The following RAP1GAP variants were observed in gnomAD, a reference collection of about 807,000 sequenced individuals.
The protein encoded by RAP1GAP is rap1 GTPase-activating protein 1.
In RAP1GAP, 35 loss-of-function variants were observed where a neutral mutation model predicts 87.2. The observed-to-expected ratio is 0.40, with a 90% CI of 0.31 to 0.53. The LOEUF (loss-of-function observed/expected upper bound fraction) is 0.53, where lower values mean the gene tolerates loss of function less well. Ranked by LOEUF, RAP1GAP falls within the 20% of genes least tolerant of loss-of-function variation. The pLI is 0.48. For synonymous variants in RAP1GAP, 375 were observed against 363.9 expected (o/e 1.03, Z -0.35); for missense variants, 734 against 898.9 (o/e 0.82, Z 2.35).
intron 18 of RAP1GAP, among the ~76,000 whole-genome samples, chr1:21,604,966 T>G (rs901808432): frequency 4.5e-5 from 2 of 43,976 alleles, no homozygotes; most frequent in Non-Finnish European, 8.6e-5. Flanking sequence ...AGTGGGTGGG[T>G]GGGTGGATGG....
At chr1:21,604,843 AGATGGATGGATGGATG>A (rs369644872) in intron 18 of RAP1GAP, among the ~76,000 whole-genome samples, 36 of 121,836 alleles carry the variant, frequency 3.0e-4, no homozygotes, top group South Asian at 5.8e-4. Flanking sequence ...GGATGGATAG[AGATGGATGGATGGATG>A]GATGGATGGA....
intron 2 of RAP1GAP, among the ~76,000 whole-genome samples, chr1:21,641,339 C>T (rs2095505862): frequency 1.3e-5 from 2 of 152,132 alleles, no homozygotes. Flanking sequence ...GGGAAGGAGT[C>T]CTATTCCTGC....
At chr1:21,630,672 C>T (rs535798949) in intron 2 of RAP1GAP, among the ~76,000 whole-genome samples, 43 of 152,214 alleles carry the variant, frequency 2.8e-4, no homozygotes, top group African/African-American at 9.9e-4. Context: ...TCCCCCTCGG[C>T]CTCCTAGTAG....
chr1:21,598,573 C>T (rs1646658774), intron 21 of RAP1GAP, 71 bp from the exon 22 acceptor site: 1 of 1,274,688 alleles, frequency 7.8e-7, no homozygotes, highest in Admixed American at 1.8e-5. Context: ...TCCCTCCCAG[C>T]CCCTCTCCCT....
rs1188170228 is a variant in RAP1GAP, at chr1:21,622,492, G to A, written c.-18-2442C>T. ...CCGGCTCCTGGCCCGCGCGCGCCCG[G>A]GTCCGGGCCCCGCAGCGCTGAGCTC... is the stretch of plus-strand genomic sequence containing the variant. On this transcript the variant is annotated intron_variant, in intron 3 of 24. Coordinates refer to ENST00000374765, the MANE Select transcript of RAP1GAP (RefSeq NM_002885.4). The surrounding 1 kb of genome is among the most constrained non-coding windows in gnomAD (Gnocchi z 5.7). The A allele has an allele frequency of 1.3e-5, 2 of 156,040 alleles. No individual in the cohort carries two copies. Among genetic ancestry groups the A allele is most frequent in the East Asian group, 1.9e-4 (1 of 5,334 alleles). 9.7% of individuals were successfully genotyped at this position (156,040 alleles called of 1,614,324 possible). A position where few individuals can be genotyped will look rare whatever the true frequency, so the allele number is the denominator to read the frequency against.
At chr1:21,627,661 C>T (rs574408847) in intron 2 of RAP1GAP, among the ~76,000 whole-genome samples, 12 of 152,084 alleles carry the variant, frequency 7.9e-5, no homozygotes, top group South Asian at 2.1e-4. Context: ...GTGATCTGCC[C>T]GCCTCAGCCT....
Position 21,597,824 on chromosome 1 carries a change from C to T in RAP1GAP, c.1984-96G>A, listed in dbSNP as rs549695598. On this transcript the variant is annotated intron_variant, in intron 23 of 24. Transcript: ENST00000374765. The stretch of plus-strand genomic sequence containing the variant: ...ACAAAGTCACTGGCTGTGTCCAGGC[C>T]GGGCAAGCCCCACCCCTCCTGGCCT... 4.1e-5 allele frequency: 64 copies of T among 1,542,846 alleles called. 2 individuals are homozygous for T. Among genetic ancestry groups the T allele is most frequent in the South Asian group, 2.3e-4 (20 of 85,124 alleles).
chr1:21,669,178 T>G lies in RAP1GAP; in HGVS notation c.-149+76A>C. 2 of 1,213,398 alleles carry G rather than the reference T, an allele frequency of 1.6e-6. No individual in the cohort carries two copies. The highest frequency in any genetic ancestry group is 2.1e-6 in the Non-Finnish European group (2 of 958,166). 75.2% of individuals were successfully genotyped at this position (1,213,398 alleles called of 1,614,324 possible). ...CCGCCCGCCCGCGCGGGGTCTTCGCTGCGAGCCGACGGGAGTCTGGACACC... is the reference window on the plus strand; with the variant it reads ...CCGCCCGCCCGCGCGGGGTCTTCGCGGCGAGCCGACGGGAGTCTGGACACC... On this transcript the variant is annotated intron_variant, in intron 1 of 24. Transcript: ENST00000374765. The surrounding 1 kb of genome is among the most constrained non-coding windows in gnomAD (Gnocchi z 5.6).
intron 1 of RAP1GAP, among the ~76,000 whole-genome samples, chr1:21,656,965 G>C (rs907846909): frequency 6.6e-6 from 1 of 152,160 alleles, no homozygotes; most frequent in African/African-American, 2.4e-5. Flanking sequence ...CTGTGTGGCT[G>C]ACACTGTATT....
At chr1:21,636,058 G>A (rs6679565) in intron 2 of RAP1GAP, among the ~76,000 whole-genome samples, 29,031 of 152,170 alleles carry the variant, frequency 0.19, 3,522 homozygotes, top group East Asian at 0.35. Context: ...CAAAATGGGA[G>A]AGTAACACCA....
At chr1:21,606,314 G>T in intron 17 of RAP1GAP, 117 bp from the exon 18 acceptor site, 1 of 1,394,382 alleles carries the variant, frequency 7.2e-7, no homozygotes, top group Non-Finnish European at 9.6e-7. Flanking sequence ...GGTAAGCCCT[G>T]GAAATCCCTT....
Position 21,668,302 on chromosome 1 carries a change from C to G in RAP1GAP, c.-149+952G>C, listed in dbSNP as rs2097443761. On this transcript the variant is annotated intron_variant, in intron 1 of 24. Transcript: ENST00000374765. This position sits in a 1 kb window ranked among gnomAD's most constrained non-coding sequence, Gnocchi z 6.2. Reference sequence around the variant, plus strand: ...TGCCCCTCCTGCCTCAGTGCCCCTTCCCTCAGTGTCCTTCCTGCCTGCCGC... The same window carrying G: ...TGCCCCTCCTGCCTCAGTGCCCCTTGCCTCAGTGTCCTTCCTGCCTGCCGC... 6.6e-6 allele frequency among the ~76,000 whole-genome samples: 1 copy of G among 152,182 alleles called. No homozygotes were observed. Among genetic ancestry groups the G allele is most frequent in the East Asian group, 1.9e-4 (1 of 5,188 alleles).
At chr1:21,610,017 C>A in intron 14 of RAP1GAP, 103 bp downstream of exon 14, 1 of 1,377,654 alleles carries the variant, frequency 7.3e-7, no homozygotes, top group South Asian at 1.4e-5. Context: ...ATGGTCCCCC[C>A]ATTATAGCTG....
intron 1 of RAP1GAP, among the ~76,000 whole-genome samples, chr1:21,659,831 C>G (rs2097046226): frequency 6.6e-6 from 1 of 152,172 alleles, no homozygotes; most frequent in Admixed American, 6.5e-5. Context: ...AGTCCTTAAA[C>G]CCACCCTGTA....
chr1:21,598,266 C>T, intron 22 of RAP1GAP, 134 bp downstream of exon 22: 1 of 892,378 alleles, frequency 1.1e-6, no homozygotes, highest in Non-Finnish European at 1.7e-6. Context: ...GGACAATGAC[C>T]TGCCCGCTGT....
At chr1:21,608,789 G>T in intron 16 of RAP1GAP, 61 bp downstream of exon 16, 1 of 1,501,614 alleles carries the variant, frequency 6.7e-7, no homozygotes, top group Non-Finnish European at 9.3e-7. Context: ...CAGGGACAGG[G>T]CTGAAGTTAT....
chr1:21,653,777 T>C (rs2096746959), intron 1 of RAP1GAP, among the ~76,000 whole-genome samples: 1 of 152,056 alleles, frequency 6.6e-6, no homozygotes, highest in African/African-American at 2.4e-5. Flanking sequence ...GTGCTTGGGC[T>C]GGGGCCTGGA....
At chr1:21,643,072 AC>A (rs1328101357) in intron 2 of RAP1GAP, among the ~76,000 whole-genome samples, 1 of 151,114 alleles carries the variant, frequency 6.6e-6, no homozygotes, top group African/African-American at 2.4e-5. Context: ...TTTCCTTATG[AC>A]CCTCTCTAGA....
intron 19 of RAP1GAP, 57 bp from the exon 20 acceptor site, chr1:21,601,854 A>AC: frequency 8.1e-7 from 1 of 1,238,162 alleles, no homozygotes; most frequent in Non-Finnish European, 1.1e-6. Context: ...CATCAGGCGT[A>AC]GCGTGAGGCC....
Sources: allele counts gnomAD v4.1 joint callset (sites outside exome capture counted in the v4.1 genomes callset), GRCh38; gene constraint gnomAD v4.1.1; non-coding constraint Gnocchi (gnomAD v3.1); transcripts MANE v1.5; gene names NCBI Gene and HGNC (gene_info 2026-07-23, HGNC 2026-07-21).